ASTN2: variants seen among roughly 807,000 people sequenced by gnomAD.
ASTN2 encodes astrotactin 2.
ASTN2 carries 54 observed loss-of-function variants against 139.8 expected under a neutral mutation model. That is an observed-to-expected ratio of 0.39 (90% CI 0.31 to 0.48). The LOEUF (loss-of-function observed/expected upper bound fraction) is 0.48. Ranked by LOEUF, ASTN2 falls within the 20% of genes least tolerant of loss-of-function variation. The probability of loss-of-function intolerance (pLI) is 0.95; values close to 1 mark genes in which losing one functional copy is unlikely to be tolerated. For synonymous variants in ASTN2, 756 were observed against 719.5 expected (o/e 1.05, Z -0.81); for missense variants, 1,565 against 1,725.1 (o/e 0.91, Z 1.64).
chr9:116,824,311 G>T (rs951998519), intron 11 of ASTN2, among the ~76,000 whole-genome samples: 2 of 152,218 alleles, frequency 1.3e-5, no homozygotes, highest in Non-Finnish European at 2.9e-5. Context: ...GTGACCAATA[G>T]TATGTGGCAG....
Position 117,060,398 on chromosome 9 carries a change from GAAAGAAAGAAA to G in ASTN2, c.1277-20444_1277-20434del, listed in dbSNP as rs1233026412. ...AGAAAGAAAGAAAGAAAGAAAGAAAGAAAGAAAGAAAGAAGGAAAGGAAGGAAGGAAGGAAG... is the reference window on the plus strand; with the variant it reads ...AGAAAGAAAGAAAGAAAGAAAGAAAGGAAGGAAAGGAAGGAAGGAAGGAAG... On this transcript the variant is annotated intron_variant, in intron 5 of 22. Coordinates refer to ENST00000313400, the MANE Select transcript of ASTN2 (RefSeq NM_001365068.1). Among the ~76,000 whole-genome samples, 80 of 75,822 alleles carry G rather than the reference GAAAGAAAGAAA, an allele frequency of 1.1e-3. 1 individual carries two copies. The highest frequency in any genetic ancestry group is 0.013 in the Middle Eastern group (2 of 158). The allele number at this position is 75,822 out of a possible 152,430, so 49.7% of individuals were successfully genotyped here.
chr9:116,700,187 C>T (rs753259162), intron 16 of ASTN2: 1 of 205,112 alleles, frequency 4.9e-6, no homozygotes, highest in Non-Finnish European at 1.1e-5. Flanking sequence ...CTTTCAGTGA[C>T]ATTTAAGACA....
intron 6 of ASTN2, among the ~76,000 whole-genome samples, chr9:117,021,669 C>T (rs766789168): frequency 7.9e-5 from 12 of 152,072 alleles, no homozygotes; most frequent in Non-Finnish European, 1.3e-4. Context: ...CTGGCCATGC[C>T]ACTAACTAAC....
chr9:116,438,969 C>G (rs940904227), intron 22 of ASTN2, among the ~76,000 whole-genome samples: 8 of 152,116 alleles, frequency 5.3e-5, no homozygotes, highest in African/African-American at 1.9e-4. Context: ...AAAAGAAAAT[C>G]TTGGTTTGGG....
intron 2 of ASTN2, among the ~76,000 whole-genome samples, chr9:117,215,488 G>GTA (rs113593093): frequency 4.1e-4 from 12 of 29,074 alleles, no homozygotes; most frequent in African/African-American, 8.3e-4. Flanking sequence ...TATATAATGT[G>GTA]TATATATATA....
At chr9:116,668,503 C>A (rs1859006315) in intron 16 of ASTN2, among the ~76,000 whole-genome samples, 1 of 152,172 alleles carries the variant, frequency 6.6e-6, no homozygotes, top group Non-Finnish European at 1.5e-5. Flanking sequence ...CCTTCTTTTA[C>A]TTACTAATAT....
chr9:116,641,351 G>C (rs1857319694), intron 17 of ASTN2, among the ~76,000 whole-genome samples: 1 of 152,166 alleles, frequency 6.6e-6, no homozygotes, highest in African/African-American at 2.4e-5. Context: ...AAGAGGCTCA[G>C]GTGCTCAGGT....
chr9:117,398,875 G>T (rs1372744526), intron 1 of ASTN2, among the ~76,000 whole-genome samples: 2 of 152,254 alleles, frequency 1.3e-5, no homozygotes, highest in South Asian at 2.1e-4. Context: ...TCCGCCTCCC[G>T]GGTTCAAGCA....
intron 17 of ASTN2, among the ~76,000 whole-genome samples, chr9:116,624,753 C>T (rs1856354734): frequency 6.6e-6 from 1 of 152,056 alleles, no homozygotes; most frequent in Non-Finnish European, 1.5e-5. Flanking sequence ...CAAAAAGATG[C>T]TCTGAAGTCC....
intron 16 of ASTN2, among the ~76,000 whole-genome samples, chr9:116,679,087 C>T (rs1443564547): frequency 1.3e-5 from 2 of 152,150 alleles, no homozygotes; most frequent in Non-Finnish European, 2.9e-5. Context: ...ATTTGGAAAG[C>T]TAAGTCTCCT....
intron 1 of ASTN2, among the ~76,000 whole-genome samples, chr9:117,351,737 G>A (rs370997290): frequency 4.3e-5 from 6 of 138,518 alleles, no homozygotes; most frequent in African/African-American, 1.5e-4. Context: ...AGTTCACAGG[G>A]AAAGCTCTGT....
intron 19 of ASTN2, among the ~76,000 whole-genome samples, chr9:116,512,059 T>A (rs1483575030): frequency 6.6e-6 from 1 of 152,210 alleles, no homozygotes; most frequent in East Asian, 1.9e-4. Flanking sequence ...TTGAATGTGT[T>A]TGCTCTTGCT....
At chr9:116,856,315 C>T (rs1377726560) in intron 11 of ASTN2, among the ~76,000 whole-genome samples, 1 of 152,156 alleles carries the variant, frequency 6.6e-6, no homozygotes, top group African/African-American at 2.4e-5. Flanking sequence ...AACAAGTCTC[C>T]AAGGGCTAGA....
intron 2 of ASTN2, among the ~76,000 whole-genome samples, chr9:117,251,845 A>T (rs1413286807): frequency 6.6e-6 from 1 of 152,174 alleles, no homozygotes; most frequent in African/African-American, 2.4e-5. Flanking sequence ...CATAAGAGGG[A>T]TGGAGAAGAG....
chr9:117,223,132 T>C (rs1214756098), intron 2 of ASTN2, among the ~76,000 whole-genome samples: 1 of 152,172 alleles, frequency 6.6e-6, no homozygotes, highest in Non-Finnish European at 1.5e-5. Flanking sequence ...ATCAGCTGTA[T>C]ACCTTGGAAA....
intron 17 of ASTN2, among the ~76,000 whole-genome samples, chr9:116,642,887 C>T (rs1857409078): frequency 6.6e-6 from 1 of 152,180 alleles, no homozygotes; most frequent in African/African-American, 2.4e-5. Flanking sequence ...AAGTTGCCCA[C>T]AATGCAGCCT....
At chr9:116,516,377 T>G (rs1312503953) in intron 19 of ASTN2, among the ~76,000 whole-genome samples, 2 of 152,222 alleles carry the variant, frequency 1.3e-5, no homozygotes, top group Non-Finnish European at 2.9e-5. Context: ...TAATGCATCA[T>G]CATCATCATT....
rs1285163261 is a variant in ASTN2, at chr9:116,423,891, GT to G, written c.*1959del. On this transcript the variant is annotated 3_prime_UTR_variant, in exon 23 of 23. Transcript: ENST00000313400. ...TTTGCCAAATTGAGAAGTAGGCATG[GT>G]TTTTTTCTTTTTTACTCACCACTAC... Among the ~76,000 whole-genome samples the G allele has an allele frequency of 6.6e-6, 1 of 152,088 alleles. No individual in the cohort carries two copies. Among genetic ancestry groups the G allele is most frequent in the Non-Finnish European group, 1.5e-5 (1 of 68,020 alleles).
chr9:116,833,699 T>C (rs760886089), intron 11 of ASTN2, among the ~76,000 whole-genome samples: 25 of 152,328 alleles, frequency 1.6e-4, no homozygotes, highest in Non-Finnish European at 2.9e-4. Context: ...TTCAGAAATA[T>C]GTTGTTTACT....
Sources: allele counts gnomAD v4.1 joint callset (sites outside exome capture counted in the v4.1 genomes callset), GRCh38; gene constraint gnomAD v4.1.1; transcripts MANE v1.5; gene names NCBI Gene and HGNC (gene_info 2026-07-23, HGNC 2026-07-21).